The following ST3GAL3 variants were observed in gnomAD, a reference collection of about 807,000 sequenced individuals.
The protein encoded by ST3GAL3 is ST3 beta-galactoside alpha-2,3-sialyltransferase 3.
Under a neutral mutation model 50.1 loss-of-function variants are expected in ST3GAL3, and 21 were observed. The ratio of observed to expected loss-of-function variants is 0.42; its 90% confidence interval spans 0.30 to 0.60. The LOEUF (loss-of-function observed/expected upper bound fraction) is 0.60, where lower values mean the gene tolerates loss of function less well. Ranked by LOEUF, ST3GAL3 falls within the 20% of genes least tolerant of loss-of-function variation. The probability of loss-of-function intolerance (pLI) is 0.19; values close to 1 mark genes in which losing one functional copy is unlikely to be tolerated. For missense variants in ST3GAL3, 353 were observed against 489.4 expected (o/e 0.72, Z 2.63); for synonymous variants, 183 against 190.0 (o/e 0.96, Z 0.30).
intron 2 of ST3GAL3, among the ~76,000 whole-genome samples, chr1:43,747,912 G>A (rs562431910): frequency 4.6e-5 from 7 of 152,100 alleles, no homozygotes; most frequent in East Asian, 1.9e-4. Context: ...GATTCGTTAC[G>A]TATGCAGGAT....
At chr1:43,741,974 A>G (rs1189510754) in intron 2 of ST3GAL3, among the ~76,000 whole-genome samples, 1 of 152,156 alleles carries the variant, frequency 6.6e-6, no homozygotes, top group Admixed American at 6.5e-5. Flanking sequence ...GTGGACCATC[A>G]TAGGGTAGGG....
chr1:43,861,834 G>A (rs1249089806), intron 5 of ST3GAL3, among the ~76,000 whole-genome samples: 1 of 152,142 alleles, frequency 6.6e-6, no homozygotes, highest in African/African-American at 2.4e-5. Context: ...TTCGAGACCA[G>A]CCTGGTCAAC....
chr1:43,914,310 T>G (rs2081425087), intron 9 of ST3GAL3: 1 of 152,120 alleles, frequency 6.6e-6, no homozygotes, highest in Non-Finnish European at 1.5e-5. Flanking sequence ...CCCTCACCAT[T>G]CTGGGCCTTA....
chr1:43,741,813 A>G (rs1287430074), intron 2 of ST3GAL3, among the ~76,000 whole-genome samples: 2 of 152,222 alleles, frequency 1.3e-5, no homozygotes, highest in Non-Finnish European at 2.9e-5. Flanking sequence ...GGAAAACTCG[A>G]GGTGAGCGCC....
chr1:43,731,865 A>G (rs1166910960), intron 1 of ST3GAL3, among the ~76,000 whole-genome samples: 1 of 151,882 alleles, frequency 6.6e-6, no homozygotes, highest in Admixed American at 6.6e-5. Flanking sequence ...TTTTGTAGAG[A>G]CAGGGTCCTA....
chr1:43,920,499 C>T lies in ST3GAL3; in HGVS notation c.840C>T (p.Ala280=), dbSNP rs752116461. The T allele has an allele frequency of 7.4e-5, 120 of 1,614,044 alleles. No homozygotes were observed. The highest frequency in any genetic ancestry group is 7.4e-4 in the South Asian group (67 of 91,086). ...TCAACCCATATTTCATCCAGGAGGC[C>T]GCCTTCACCCTCATTGGCCTGCCCT... ...RILNPYFIQE[A]AFTLIGLPFN... The change falls in exon 10 of 12, where the codon GCC becomes GCT. Residue 280 remains alanine (A), a synonymous_variant. Coordinates refer to ENST00000347631, the MANE Select transcript of ST3GAL3 (RefSeq NM_006279.5).
intron 5 of ST3GAL3, among the ~76,000 whole-genome samples, chr1:43,843,955 CGCCAACCA>C (rs1448575201): frequency 6.6e-6 from 1 of 152,224 alleles, no homozygotes; most frequent in Non-Finnish European, 1.5e-5. Context: ...CTATACATCT[CGCCAACCA>C]GCTATAAGTT....
intron 7 of ST3GAL3, 194 bp from the exon 8 acceptor site, chr1:43,898,974 G>A: frequency 4.5e-6 from 3 of 671,794 alleles, no homozygotes; most frequent in Non-Finnish European, 7.5e-6. Context: ...TAGAGATGCT[G>A]GAGAGTCTCA....
chr1:43,730,677 C>G (rs918691824), intron 1 of ST3GAL3, among the ~76,000 whole-genome samples: 1 of 150,096 alleles, frequency 6.7e-6, no homozygotes, highest in Non-Finnish European at 1.5e-5. Context: ...CTCAAGCAAT[C>G]CTCCTACCTC....
At chr1:43,809,020 CAA>C (rs2154171347) in intron 3 of ST3GAL3, among the ~76,000 whole-genome samples, 3 of 152,160 alleles carry the variant, frequency 2.0e-5, no homozygotes, top group Non-Finnish European at 4.4e-5. Flanking sequence ...AATTGTATCT[CAA>C]AAATACTTAA....
chr1:43,896,118 A>G (rs1027042218), intron 6 of ST3GAL3, among the ~76,000 whole-genome samples: 20 of 152,118 alleles, frequency 1.3e-4, no homozygotes, highest in Admixed American at 7.9e-4. Flanking sequence ...TCCCTACCCC[A>G]TTCTCACTCA....
intron 9 of ST3GAL3, among the ~76,000 whole-genome samples, chr1:43,907,658 C>T (rs1407831216): frequency 2.6e-5 from 4 of 152,186 alleles, no homozygotes; most frequent in South Asian, 2.1e-4. Context: ...TCTACCATCC[C>T]TCCTGTGCCT....
intron 3 of ST3GAL3, chr1:43,799,687 A>C (rs2059101032): frequency 6.6e-6 from 1 of 152,226 alleles, no homozygotes; most frequent in Non-Finnish European, 1.5e-5. Flanking sequence ...TTCACAGGGG[A>C]CACCCAACAT....
At chr1:43,740,152 A>G (rs1680210418) in intron 2 of ST3GAL3, among the ~76,000 whole-genome samples, 1 of 151,906 alleles carries the variant, frequency 6.6e-6, no homozygotes. Flanking sequence ...TCATGAGGTC[A>G]GGAGATCGAG....
chr1:43,834,978 G>C (rs1417627502), intron 4 of ST3GAL3, among the ~76,000 whole-genome samples: 1 of 152,224 alleles, frequency 6.6e-6, no homozygotes, highest in Non-Finnish European at 1.5e-5. Flanking sequence ...AGTGAAGCAG[G>C]AGAGTGGAAG....
chr1:43,857,711 G>T (rs893187492), intron 5 of ST3GAL3, among the ~76,000 whole-genome samples: 1 of 151,314 alleles, frequency 6.6e-6, no homozygotes, highest in African/African-American at 2.4e-5. Context: ...CACCTCCCAG[G>T]TTTAAGAGAT....
chr1:43,771,523 A>G (rs1260901709), intron 2 of ST3GAL3, among the ~76,000 whole-genome samples: 1 of 151,950 alleles, frequency 6.6e-6, no homozygotes, highest in Non-Finnish European at 1.5e-5. Context: ...ACGCCTGGCT[A>G]ATTTTTTGTA....
At chr1:43,901,960 G>C (rs1479357271) in intron 9 of ST3GAL3, among the ~76,000 whole-genome samples, 1 of 152,224 alleles carries the variant, frequency 6.6e-6, no homozygotes, top group Non-Finnish European at 1.5e-5. Context: ...CCATCTCTCA[G>C]AGTGGACCTG....
Position 43,899,816 on chromosome 1 carries a change from C to A in ST3GAL3, c.744+89C>A. ...CCCGCCCCTTGAATGCAGCAAAGAACGAGTAAGAACCTTCAAAGGAAACAT... is the reference window on the plus strand; with the variant it reads ...CCCGCCCCTTGAATGCAGCAAAGAAAGAGTAAGAACCTTCAAAGGAAACAT... On this transcript the variant is annotated intron_variant, in intron 9 of 11. Coordinates refer to ENST00000347631, the MANE Select transcript of ST3GAL3 (RefSeq NM_006279.5). The surrounding 1 kb of genome is among the most constrained non-coding windows in gnomAD (Gnocchi z 5.4). The A allele has an allele frequency of 7.9e-7, 1 of 1,268,496 alleles. No homozygotes were observed. Among genetic ancestry groups the A allele is most frequent in the Non-Finnish European group, 1.1e-6 (1 of 879,136 alleles). The allele number at this position is 1,268,496 out of a possible 1,614,324, so 78.6% of individuals were successfully genotyped here. A position where few individuals can be genotyped will look rare whatever the true frequency, so the allele number is the denominator to read the frequency against.
Sources: gnomAD v4.1 joint callset for allele counts (sites outside exome capture counted in the v4.1 genomes callset) on GRCh38, gnomAD v4.1.1 for gene constraint, Gnocchi (gnomAD v3.1) non-coding constraint, MANE v1.5 for transcripts, NCBI Gene and HGNC (gene_info 2026-07-23, HGNC 2026-07-21) for gene names.